Variants in MCPH1 observed in about 807,000 individuals in gnomAD.
MCPH1 encodes the protein microcephalin.
Under a neutral mutation model 84.5 loss-of-function variants are expected in MCPH1, and 104 were observed. The observed-to-expected ratio is 1.23, with a 90% CI of 1.05 to 1.45. The LOEUF (loss-of-function observed/expected upper bound fraction) is 1.45. MCPH1 is among the 40% of genes most tolerant of loss of function. The pLI is 0.00. For synonymous variants in MCPH1, 514 were observed against 366.8 expected (o/e 1.40, Z -4.58); for missense variants, 1,498 against 1,005.7 (o/e 1.49, Z -6.62).
intron 2 of MCPH1, among the ~76,000 whole-genome samples, chr8:6,412,821 T>TGA (rs371285788): frequency 2.0e-5 from 3 of 151,382 alleles, no homozygotes; most frequent in African/African-American, 4.9e-5. Context: ...GTGTGGAAAT[T>TGA]GAGAGAGAGA....
At chr8:6,642,035 T>C (rs1797970045) in intron 13 of MCPH1, among the ~76,000 whole-genome samples, 1 of 152,200 alleles carries the variant, frequency 6.6e-6, no homozygotes, top group Admixed American at 6.5e-5. Flanking sequence ...GTCATTTTTT[T>C]CTTCCATTTC....
chr8:6,620,213 G>GTATT (rs1165099365), intron 12 of MCPH1: 2 of 152,164 alleles, frequency 1.3e-5, no homozygotes, highest in African/African-American at 4.8e-5. Context: ...CTGAGGCTCG[G>GTATT]TATTTATTAT....
At chr8:6,550,332 G>A (rs899615884) in intron 12 of MCPH1, among the ~76,000 whole-genome samples, 2 of 152,168 alleles carry the variant, frequency 1.3e-5, no homozygotes, top group Admixed American at 6.5e-5. Context: ...TCCTGGGAGT[G>A]AGGCAGTGTG....
intron 12 of MCPH1, chr8:6,532,573 T>TA (rs1427394273): frequency 1.7e-5 from 13 of 758,352 alleles, no homozygotes; most frequent in Non-Finnish European, 2.0e-5. Flanking sequence ...CTCCCTATCT[T>TA]TAAAAAAAAA....
chr8:6,465,549 C>G (rs912719449), intron 9 of MCPH1, among the ~76,000 whole-genome samples: 10 of 152,212 alleles, frequency 6.6e-5, no homozygotes, highest in African/African-American at 2.4e-4. Context: ...AGCGTTCTCT[C>G]ACTTGTGATA....
At chr8:6,439,616 T>TA (rs1803207691) in intron 6 of MCPH1, among the ~76,000 whole-genome samples, 1 of 151,972 alleles carries the variant, frequency 6.6e-6, no homozygotes, top group Non-Finnish European at 1.5e-5. Flanking sequence ...ATGCTGGTCT[T>TA]AAACTCTTAA....
intron 13 of MCPH1, among the ~76,000 whole-genome samples, chr8:6,638,281 G>A (rs1162890916): frequency 6.6e-6 from 1 of 152,198 alleles, no homozygotes; most frequent in African/African-American, 2.4e-5. Flanking sequence ...CCAGAGTGGA[G>A]ATGTGGCTAG....
At chr8:6,467,021 A>G (rs1807064200) in intron 9 of MCPH1, among the ~76,000 whole-genome samples, 1 of 152,250 alleles carries the variant, frequency 6.6e-6, no homozygotes, top group African/African-American at 2.4e-5. Context: ...AAAAAAGGGG[A>G]ATAAAAACAT....
At chr8:6,512,990 A>G (rs1413947022) in intron 12 of MCPH1, among the ~76,000 whole-genome samples, 1 of 152,198 alleles carries the variant, frequency 6.6e-6, no homozygotes, top group Non-Finnish European at 1.5e-5. Context: ...AACTTTTGAA[A>G]CCTTTTGGAA....
At chr8:6,486,023 C>G (rs1247985556) in intron 11 of MCPH1, among the ~76,000 whole-genome samples, 6 of 152,040 alleles carry the variant, frequency 3.9e-5, no homozygotes, top group African/African-American at 1.5e-4. Context: ...GCATGGCCCC[C>G]CTCCTTTAAC....
At chr8:6,564,128 A>C (rs2442508) in intron 12 of MCPH1, among the ~76,000 whole-genome samples, 117,108 of 151,922 alleles carry the variant, frequency 0.77, 48,089 homozygotes, top group East Asian at 0.94. Context: ...ATTACAGGCA[A>C]ACGCCACCAC....
At chr8:6,434,796 A>G (rs918223304) in intron 4 of MCPH1, among the ~76,000 whole-genome samples, 2 of 152,230 alleles carry the variant, frequency 1.3e-5, no homozygotes, top group Non-Finnish European at 2.9e-5. Flanking sequence ...TTGGGCTGGT[A>G]GCTTCGCGCT....
At chr8:6,627,029 T>G in intron 13 of MCPH1, 1 of 985,158 alleles carries the variant, frequency 1.0e-6, no homozygotes, top group Middle Eastern at 5.2e-4. Flanking sequence ...TCTTATAACT[T>G]ATAAAGAAAA....
At chr8:6,406,856 CA>C (rs1292035455) in intron 1 of MCPH1, 167 bp downstream of exon 1, 71 of 37,406 alleles carry the variant, frequency 1.9e-3, no homozygotes, top group African/African-American at 0.01. Flanking sequence ...CTGCCTGTCC[CA>C]CCAAAACCCC....
chr8:6,556,620 T>A (rs1373942067), intron 12 of MCPH1, among the ~76,000 whole-genome samples: 2 of 118,524 alleles, frequency 1.7e-5, no homozygotes, highest in Non-Finnish European at 3.0e-5. Context: ...TCTTTTTTTA[T>A]TTTTTTTTCA....
chr8:6,501,903 A>T (rs940738500), intron 12 of MCPH1: 1 of 149,006 alleles, frequency 6.7e-6, no homozygotes, highest in Non-Finnish European at 1.5e-5. Flanking sequence ...TATGAACATC[A>T]GATTTTGTTT....
intron 10 of MCPH1, among the ~76,000 whole-genome samples, chr8:6,479,640 T>C (rs1286287084): frequency 6.6e-6 from 1 of 151,962 alleles, no homozygotes; most frequent in Non-Finnish European, 1.5e-5. Context: ...TTTCACCATG[T>C]TGTTGTATAT....
At chr8:6,606,568 T>A (rs1355407022) in intron 12 of MCPH1, among the ~76,000 whole-genome samples, 1 of 152,206 alleles carries the variant, frequency 6.6e-6, no homozygotes, top group Non-Finnish European at 1.5e-5. Flanking sequence ...ATGTGCTGCT[T>A]CCTGCCCCCT....
chr8:6,438,898 C>T, intron 5 of MCPH1, 55 bp from the exon 6 acceptor site: 4 of 1,554,746 alleles, frequency 2.6e-6, no homozygotes, highest in Non-Finnish European at 2.6e-6. Flanking sequence ...GAATCACATT[C>T]CTGAAGTATG....
Sources: gnomAD v4.1 joint callset for allele counts (sites outside exome capture counted in the v4.1 genomes callset) on GRCh38, gnomAD v4.1.1 for gene constraint, MANE v1.5 for transcripts, NCBI Gene and HGNC (gene_info 2026-07-23, HGNC 2026-07-21) for gene names.